Variants in PLD5 observed in about 807,000 individuals in gnomAD.
PLD5 encodes inactive phospholipase D5.
In PLD5, 36 loss-of-function variants were observed where a neutral mutation model predicts 61.1. That is an observed-to-expected ratio of 0.59 (90% CI 0.45 to 0.78). The LOEUF is 0.78. Among genes scored for constraint, PLD5 ranks in the 30% least tolerant of loss-of-function variants. The pLI, the probability that PLD5 is intolerant of heterozygous loss-of-function variation, is 0.00. For missense variants in PLD5, 515 were observed against 644.4 expected (o/e 0.80, Z 2.17); for synonymous variants, 243 against 242.8 (o/e 1.00, Z -0.01).
chr1:242,492,841 C>A lies in PLD5; in HGVS notation c.189+31247G>T, dbSNP rs184467402. On this transcript the variant is annotated intron_variant, in intron 1 of 9. Transcript: ENST00000536534. ...CTCATGCAGCTGAGAGAGAAAATCA[C>A]CCCTCTTATGTTTCTTCTTATAAGT... Among the ~76,000 whole-genome samples the A allele has an allele frequency of 1.7e-3, 255 of 152,226 alleles. 2 individuals carry two copies. Among genetic ancestry groups the A allele is most frequent in the Middle Eastern group, 3.4e-3 (1 of 294 alleles).
chr1:242,322,903 T>G (rs1246056198), intron 2 of PLD5, among the ~76,000 whole-genome samples: 1 of 152,182 alleles, frequency 6.6e-6, no homozygotes, highest in Non-Finnish European at 1.5e-5. Flanking sequence ...TATATATGTG[T>G]GTATGTATGT....
intron 5 of PLD5, among the ~76,000 whole-genome samples, chr1:242,219,069 G>A (rs555306218): frequency 6.6e-6 from 1 of 152,266 alleles, no homozygotes; most frequent in East Asian, 1.9e-4. Context: ...TGATAACATA[G>A]GTTTAACTCT....
chr1:242,515,127 C>T (rs1470658394), intron 1 of PLD5, among the ~76,000 whole-genome samples: 2 of 152,110 alleles, frequency 1.3e-5, no homozygotes, highest in African/African-American at 4.8e-5. Context: ...CTCCTTCGTG[C>T]CCATTTTACC....
intron 2 of PLD5, among the ~76,000 whole-genome samples, chr1:242,317,959 G>A (rs573583940): frequency 1.3e-5 from 2 of 152,288 alleles, no homozygotes; most frequent in African/African-American, 4.8e-5. Flanking sequence ...CTGTTCATGG[G>A]ACTGCAGTTC....
chr1:242,299,823 G>A (rs78489128), intron 2 of PLD5, among the ~76,000 whole-genome samples: 1,624 of 152,240 alleles, frequency 0.011, 80 homozygotes, highest in East Asian at 0.081. Context: ...TGATTTTGGG[G>A]TCATGTATTT....
In PLD5 at chr1:242,382,792, G is replaced by A. The variant is rs368669414; in HGVS notation, c.190-34550C>T. Reference sequence around the variant, plus strand: ...ATTTTATATTAAAAATAGGTATAAAGCACCCTCAGGAAAATGAGAGCTTTA... The same window carrying A: ...ATTTTATATTAAAAATAGGTATAAAACACCCTCAGGAAAATGAGAGCTTTA... On this transcript the variant is annotated intron_variant, in intron 1 of 9. Coordinates refer to ENST00000536534, the MANE Select transcript of PLD5 (RefSeq NM_001372062.1). Among the ~76,000 whole-genome samples the A allele has an allele frequency of 1.2e-3, 188 of 152,168 alleles. 1 individual carries two copies. The highest frequency in any genetic ancestry group is 4.3e-3 in the African/African-American group (179 of 41,520).
At chr1:242,170,243 A>AGG (rs1666649163) in intron 5 of PLD5, among the ~76,000 whole-genome samples, 7 of 152,240 alleles carry the variant, frequency 4.6e-5, no homozygotes, top group African/African-American at 7.2e-5. Flanking sequence ...AAGAACAGGC[A>AGG]GCAATCTTTG....
chr1:242,358,488 T>C (rs906015227), intron 1 of PLD5, among the ~76,000 whole-genome samples: 1 of 151,964 alleles, frequency 6.6e-6, no homozygotes, highest in Non-Finnish European at 1.5e-5. Flanking sequence ...GTTCTCTAGA[T>C]GTCTGGGTCA....
rs185136830 is a variant in PLD5, at chr1:242,349,032, T to C, written c.190-790A>G. Reference sequence around the variant, plus strand: ...TCGCACCACTGCACTCCAGCCTGGGTGACAGAGCGAGACTCCATCTCAAAC... The same window carrying C: ...TCGCACCACTGCACTCCAGCCTGGGCGACAGAGCGAGACTCCATCTCAAAC... On this transcript the variant is annotated intron_variant, in intron 1 of 9. Coordinates refer to ENST00000536534, the MANE Select transcript of PLD5 (RefSeq NM_001372062.1). 7.5e-3 allele frequency among the ~76,000 whole-genome samples: 1,143 copies of C among 152,156 alleles called. 44 individuals are homozygous for C. Among genetic ancestry groups the C allele is most frequent in the Admixed American group, 0.065 (992 of 15,276 alleles).
In PLD5 at chr1:242,113,538, A is replaced by G. The variant is rs147573643; in HGVS notation, c.1070+352T>C. On this transcript the variant is annotated intron_variant, in intron 7 of 9. Transcript: ENST00000536534. ...TGCCCTTTTCAGGTATATACTTGTT[A>G]ATAATTTTCAAATGATAATTTTTTT... 1.3e-3 allele frequency among the ~76,000 whole-genome samples: 205 copies of G among 152,328 alleles called. 1 individual carries two copies. The highest frequency in any genetic ancestry group is 4.7e-3 in the African/African-American group (197 of 41,576).
rs776872780 is a variant in PLD5 at position 242,452,257 on chromosome 1, C to G, written c.189+71831G>C. Among the ~76,000 whole-genome samples the G allele has an allele frequency of 7.6e-4, 116 of 151,882 alleles. 1 individual carries two copies. The highest frequency in any genetic ancestry group is 1.8e-4 in the Non-Finnish European group (12 of 67,994). ...TTAACCTAGTGGAAACAACAAGGGA[C>G]TAGGAGGAAGGATTTCTGAATAATC... On this transcript the variant is annotated intron_variant, in intron 1 of 9. Coordinates refer to ENST00000536534, the MANE Select transcript of PLD5 (RefSeq NM_001372062.1).
intron 5 of PLD5, among the ~76,000 whole-genome samples, chr1:242,188,243 GT>G (rs1668030854): frequency 1.3e-5 from 2 of 152,160 alleles, no homozygotes; most frequent in Admixed American, 1.3e-4. Flanking sequence ...TTGAGATGAA[GT>G]GGCTGAAGAA....
chr1:242,127,697 T>C (rs932402896), intron 5 of PLD5, among the ~76,000 whole-genome samples: 2 of 152,020 alleles, frequency 1.3e-5, no homozygotes, highest in Non-Finnish European at 2.9e-5. Flanking sequence ...AGGCTACAAA[T>C]TGGGTTCAAT....
At chr1:242,262,369 G>A (rs575302408) in intron 4 of PLD5, among the ~76,000 whole-genome samples, 2 of 152,334 alleles carry the variant, frequency 1.3e-5, no homozygotes, top group African/African-American at 4.8e-5. Context: ...CTTGACCCGT[G>A]ACGGTTTTAT....
At chr1:242,418,595 C>CA (rs35746514) in intron 1 of PLD5, among the ~76,000 whole-genome samples, 3 of 151,188 alleles carry the variant, frequency 2.0e-5, no homozygotes, top group African/African-American at 2.4e-5. Context: ...GGAAACTCCG[C>CA]AAAAAAAAGT....
In PLD5 at chr1:242,124,631, C is replaced by T. The variant is rs1256237978; in HGVS notation, c.770G>A (p.Ser257Asn). The change falls in exon 6 of 10, where the codon AGC (serine) becomes AAC (asparagine). Residue 257 changes from serine (S) to asparagine (N), a missense_variant. This residue lies in a region of PLD5 where 450 missense variants were observed against 598.1 expected (regional missense o/e 0.75). Transcript: ENST00000536534. ...KELGVIFYNC[S>N]CLVLDLQRIF... ...CCTTTGTAAATCTAGGACCAGGCAGCTGCAGTTGTAGAAGATGACACCGAG... is the reference window on the plus strand; with the variant it reads ...CCTTTGTAAATCTAGGACCAGGCAGTTGCAGTTGTAGAAGATGACACCGAG... The T allele has an allele frequency of 3.1e-6, 5 of 1,613,838 alleles. No individual in the cohort carries two copies. Among genetic ancestry groups the T allele is most frequent in the Non-Finnish European group, 4.2e-6 (5 of 1,179,868 alleles).
At chr1:242,508,297 C>T (rs888706853) in intron 1 of PLD5, among the ~76,000 whole-genome samples, 20 of 151,860 alleles carry the variant, frequency 1.3e-4, no homozygotes, top group African/African-American at 4.3e-4. Flanking sequence ...CGCTTGAACT[C>T]GGGAGGTAGA....
chr1:242,172,926 T>A (rs1666854256), intron 5 of PLD5, among the ~76,000 whole-genome samples: 1 of 151,710 alleles, frequency 6.6e-6, no homozygotes, highest in Admixed American at 6.6e-5. Context: ...ACCAGAGGGA[T>A]TCACAGCCAA....
At chr1:242,466,704 C>T (rs1291936492) in intron 1 of PLD5, among the ~76,000 whole-genome samples, 1 of 152,054 alleles carries the variant, frequency 6.6e-6, no homozygotes, top group African/African-American at 2.4e-5. Flanking sequence ...ACCAGCCTGG[C>T]CAACATGGTG....
Sources: gnomAD v4.1 joint callset for allele counts (sites outside exome capture counted in the v4.1 genomes callset) on GRCh38, gnomAD v4.1.1 for gene constraint, gnomAD v4.1.1 regional missense constraint, MANE v1.5 for transcripts, NCBI Gene and HGNC (gene_info 2026-07-23, HGNC 2026-07-21) for gene names.